CDIN1: variants seen among roughly 807,000 people sequenced by gnomAD.
The protein encoded by CDIN1 is CDAN1 interacting nuclease 1, also known as CDAN1-interacting nuclease 1.
A neutral mutation model predicts 45.3 loss-of-function variants in CDIN1; 33 were observed. That is an observed-to-expected ratio of 0.73 (90% CI 0.55 to 0.97). CDIN1 has a LOEUF of 0.97. CDIN1 is among the 50% of genes least tolerant of loss of function. CDIN1 has a pLI of 0.00. For synonymous variants in CDIN1, 118 were observed against 124.4 expected, an observed-to-expected ratio of 0.95 and a Z score of 0.34; for missense variants, 303 against 339.4, an observed-to-expected ratio of 0.89 and a Z score of 0.84.
intron 8 of CDIN1, among the ~76,000 whole-genome samples, chr15:36,700,078 TG>T (rs1026392866): frequency 5.3e-5 from 8 of 152,194 alleles, no homozygotes; most frequent in African/African-American, 1.9e-4. Flanking sequence ...TCTGCTTTCA[TG>T]GGGTTATGGT....
chr15:36,588,251 C>T (rs561753782), intron 1 of CDIN1, among the ~76,000 whole-genome samples: 84 of 96,874 alleles, frequency 8.7e-4, no homozygotes, highest in African/African-American at 3.0e-3. Context: ...ACCTTTTAAA[C>T]CTAAATTCAC....
chr15:36,617,028 C>A, intron 1 of CDIN1: 1 of 735,800 alleles, frequency 1.4e-6, no homozygotes. Flanking sequence ...TGTTGGGGCA[C>A]GGGCCTGTGA....
At chr15:36,802,596 A>T (rs1410193865) in intron 10 of CDIN1, among the ~76,000 whole-genome samples, 3 of 152,162 alleles carry the variant, frequency 2.0e-5, no homozygotes, top group African/African-American at 2.4e-5. Context: ...ATAAGTAAAG[A>T]TGCCTCATCC....
intron 10 of CDIN1, among the ~76,000 whole-genome samples, chr15:36,774,686 CAT>C (rs995675094): frequency 1.3e-5 from 2 of 152,186 alleles, no homozygotes; most frequent in African/African-American, 4.8e-5. Context: ...ACAAGTCAAA[CAT>C]ATGACCGTGT....
chr15:36,785,534 T>C (rs758466060), intron 10 of CDIN1, among the ~76,000 whole-genome samples: 3 of 152,158 alleles, frequency 2.0e-5, no homozygotes, highest in Non-Finnish European at 2.9e-5. Flanking sequence ...CAAGTTACAC[T>C]GATACACACA....
chr15:36,635,713 C>T (rs535368521), intron 1 of CDIN1, among the ~76,000 whole-genome samples: 32 of 152,120 alleles, frequency 2.1e-4, no homozygotes, highest in African/African-American at 5.1e-4. Context: ...AAACTTTGTT[C>T]GGGGAGTTAT....
chr15:36,805,100 T>A (rs914097472), intron 10 of CDIN1, among the ~76,000 whole-genome samples: 3 of 152,168 alleles, frequency 2.0e-5, no homozygotes, highest in African/African-American at 7.2e-5. Flanking sequence ...TATTTGTTGT[T>A]TTTGCTAATT....
intron 1 of CDIN1, chr15:36,613,926 C>T: frequency 6.4e-7 from 1 of 1,555,202 alleles, no homozygotes. Context: ...TGGCAGAGCC[C>T]CATTGCCGAG....
At chr15:36,703,527 A>T (rs1051301390) in intron 8 of CDIN1, among the ~76,000 whole-genome samples, 4 of 150,984 alleles carry the variant, frequency 2.6e-5, no homozygotes, top group Non-Finnish European at 5.9e-5. Flanking sequence ...ACATTGTGAG[A>T]GTAGGGTAGC....
Position 36,707,081 on chromosome 15 carries a change from G to T in CDIN1, c.545-2142G>T, listed in dbSNP as rs1302490746. 2.0e-5 allele frequency: 3 copies of T among 152,056 alleles called. No homozygotes were observed. The East Asian group carries it at 5.8e-4, about 29-fold the overall frequency. The allele number at this position is 152,056 out of a possible 1,614,324, so 9.4% of individuals were successfully genotyped here. On this transcript the variant is annotated intron_variant, in intron 8 of 10. Transcript: ENST00000566621. ...TCTAGGATGAAGGAAGCAAGCCAAA[G>T]GTTGAAACAGAGGAGATGGGACAGT...
Position 36,788,106 on chromosome 15 carries a change from A to ATT in CDIN1, c.717-20192_717-20191dup, listed in dbSNP as rs1172040193. ...TATATATATATATATATATATATATATTTTTTTTTTTTTTTTTTTTTTTTT... is the reference window on the plus strand; with the variant it reads ...TATATATATATATATATATATATATATTTTTTTTTTTTTTTTTTTTTTTTTTT... On this transcript the variant is annotated intron_variant, in intron 10 of 10. Coordinates refer to ENST00000566621, the MANE Select transcript of CDIN1 (RefSeq NM_001321759.2). Among the ~76,000 whole-genome samples the ATT allele has an allele frequency of 1.1e-3, 54 of 50,552 alleles. 1 individual carries two copies. The highest frequency in any genetic ancestry group is 4.1e-3 in the African/African-American group (53 of 12,908). The allele number at this position is 50,552 out of a possible 152,430, so 33.2% of individuals were successfully genotyped here.
At position 36,695,403 on chromosome 15, in the gene CDIN1, TA is replaced by T. The variant is rs1254502845; in HGVS notation, c.477-1918del. 3.3e-5 allele frequency among the ~76,000 whole-genome samples: 5 copies of T among 152,288 alleles called. No homozygotes were observed. The East Asian group carries it at 9.6e-4, about 29-fold the overall frequency. ...AGTCAGTTGAAATACTAGACTAGGA[TA>T]ACACTCCTTTTCAGACTTTGGGCAA... On this transcript the variant is annotated intron_variant, in intron 7 of 10. Transcript: ENST00000566621.
chr15:36,693,560 T>C (rs2042322951), intron 7 of CDIN1, among the ~76,000 whole-genome samples: 1 of 152,200 alleles, frequency 6.6e-6, no homozygotes, highest in South Asian at 2.1e-4. Flanking sequence ...AAAATCAATT[T>C]AAAGTTAAGG....
chr15:36,690,180 A>C (rs1352788859), intron 5 of CDIN1, among the ~76,000 whole-genome samples: 1 of 152,176 alleles, frequency 6.6e-6, no homozygotes, highest in African/African-American at 2.4e-5. Flanking sequence ...TAAAATAATC[A>C]TGCTTCATTT....
chr15:36,661,520 A>C (rs1023536742), intron 5 of CDIN1, among the ~76,000 whole-genome samples: 6 of 152,144 alleles, frequency 3.9e-5, no homozygotes, highest in African/African-American at 1.4e-4. Context: ...TTCTAATTGC[A>C]TTGAGAGTAT....
At chr15:36,624,798 A>G (rs748053798) in intron 1 of CDIN1, among the ~76,000 whole-genome samples, 4 of 152,172 alleles carry the variant, frequency 2.6e-5, no homozygotes, top group Non-Finnish European at 5.9e-5. Flanking sequence ...TTGGGAAGAA[A>G]GTAGTAAAGA....
intron 1 of CDIN1, among the ~76,000 whole-genome samples, chr15:36,637,483 A>T (rs541262763): frequency 6.6e-6 from 1 of 152,216 alleles, no homozygotes; most frequent in East Asian, 1.9e-4. Flanking sequence ...TGTGATGAGG[A>T]TGTACAGCAA....
At chr15:36,617,287 G>A in intron 1 of CDIN1, 1 of 1,104,550 alleles carries the variant, frequency 9.1e-7, no homozygotes, top group Admixed American at 1.7e-5. Flanking sequence ...TATATGTAAA[G>A]AATATGAAGT....
intron 1 of CDIN1, among the ~76,000 whole-genome samples, chr15:36,583,775 G>A (rs1389080595): frequency 6.6e-6 from 1 of 152,166 alleles, no homozygotes; most frequent in East Asian, 1.9e-4. Flanking sequence ...CCGGCACTTT[G>A]GGAGGCTGAG....
Sources: allele counts gnomAD v4.1 joint callset (sites outside exome capture counted in the v4.1 genomes callset), GRCh38; gene constraint gnomAD v4.1.1; transcripts MANE v1.5; gene names NCBI Gene and HGNC (gene_info 2026-07-23, HGNC 2026-07-21).